RALGAPA2: variants seen among roughly 807,000 people sequenced by gnomAD.
RALGAPA2 encodes the protein Ral GTPase activating protein catalytic subunit alpha 2, also known as ral GTPase-activating protein subunit alpha-2.
In RALGAPA2, 139 loss-of-function variants were observed where a neutral mutation model predicts 230.4. The ratio of observed to expected loss-of-function variants is 0.60; its 90% CI spans 0.53 to 0.69. RALGAPA2 has a LOEUF of 0.69. RALGAPA2 is among the 30% of genes least tolerant of loss of function. The pLI is 0.00. For missense variants in RALGAPA2, 2,163 were observed against 2,276.0 expected, an observed-to-expected ratio of 0.95 and a Z score of 1.01; for synonymous variants, 847 against 837.8, an observed-to-expected ratio of 1.01 and a Z score of -0.19.
At chr20:20,620,426 T>C (rs1236279932) in intron 11 of RALGAPA2, 37 bp downstream of exon 11, 1 of 1,598,468 alleles carries the variant, frequency 6.3e-7, no homozygotes, top group Admixed American at 1.7e-5. Flanking sequence ...CTAAAATATA[T>C]TTACCCTCAA....
intron 1 of RALGAPA2, among the ~76,000 whole-genome samples, chr20:20,710,802 G>C (rs2069825296): frequency 6.6e-6 from 1 of 152,184 alleles, no homozygotes; most frequent in Non-Finnish European, 1.5e-5. Flanking sequence ...ACTTAATCTT[G>C]CAGACCTGGA....
intron 37 of RALGAPA2, among the ~76,000 whole-genome samples, chr20:20,436,630 CA>C (rs1208990804): frequency 6.6e-6 from 1 of 152,214 alleles, no homozygotes; most frequent in Non-Finnish European, 1.5e-5. Flanking sequence ...CCTGGGGAGA[CA>C]AACACTGGAT....
intron 23 of RALGAPA2, among the ~76,000 whole-genome samples, chr20:20,557,197 C>T (rs1333302616): frequency 6.6e-6 from 1 of 152,088 alleles, no homozygotes. Context: ...GTAATCCCAG[C>T]TACTCAGTAG....
intron 23 of RALGAPA2, among the ~76,000 whole-genome samples, chr20:20,550,575 C>T (rs1328161111): frequency 3.3e-5 from 5 of 152,176 alleles, no homozygotes; most frequent in Non-Finnish European, 5.9e-5. Flanking sequence ...TGCTATTCAG[C>T]GCTGCCTCCA....
intron 36 of RALGAPA2, among the ~76,000 whole-genome samples, chr20:20,492,082 G>GT (rs536024965): frequency 1.1e-3 from 165 of 152,272 alleles, no homozygotes; most frequent in African/African-American, 3.8e-3. Context: ...AATGCTGCCT[G>GT]TAAGCTTGTA....
intron 36 of RALGAPA2, among the ~76,000 whole-genome samples, chr20:20,486,703 C>T (rs1195846720): frequency 2.0e-5 from 3 of 152,180 alleles, no homozygotes; most frequent in African/African-American, 4.8e-5. Context: ...ATTCTCATTA[C>T]ATGTTGTTAC....
chr20:20,570,981 G>A (rs574781361), intron 23 of RALGAPA2, among the ~76,000 whole-genome samples: 2 of 152,260 alleles, frequency 1.3e-5, no homozygotes, highest in South Asian at 4.1e-4. Context: ...AACTTAAATT[G>A]CATTGGGAGA....
intron 4 of RALGAPA2, among the ~76,000 whole-genome samples, chr20:20,646,045 C>T (rs2067204695): frequency 6.7e-6 from 1 of 149,376 alleles, no homozygotes; most frequent in Non-Finnish European, 1.5e-5. Flanking sequence ...CTTGCTTGGC[C>T]TCTGTAGGGC....
chr20:20,451,871 G>C (rs1569412376), intron 37 of RALGAPA2, among the ~76,000 whole-genome samples: 1 of 152,160 alleles, frequency 6.6e-6, no homozygotes, highest in Non-Finnish European at 1.5e-5. Context: ...TACTAGAAGA[G>C]ACTATGCAAA....
In RALGAPA2 at chr20:20,546,736, C is replaced by T. The variant is rs200691399; in HGVS notation, c.3253G>A (p.Ala1085Thr). The T allele has an allele frequency of 3.5e-5, 57 of 1,610,506 alleles. No homozygotes were observed. Among genetic ancestry groups the T allele is most frequent in the Admixed American group, 3.4e-4 (20 of 59,058 alleles). ...ATGTCTGTGCTAAGGACCCTGGCAG[C>T]GGCCGTGATGAAGTCCCCCACCAGC... ...SMLVGDFITA[A>T]ARVLSTDILT... is the part of the protein sequence containing the mutation. The change falls in exon 24 of 40, where the codon GCT becomes ACT. Residue 1085 changes from alanine to threonine, a missense_variant. Physicochemically the swap from Ala to Thr is moderately conservative, Grantham distance 58. Coordinates refer to ENST00000202677, the MANE Select transcript of RALGAPA2 (RefSeq NM_020343.4).
At chr20:20,500,360 A>G (rs892052649) in intron 35 of RALGAPA2, among the ~76,000 whole-genome samples, 4 of 152,234 alleles carry the variant, frequency 2.6e-5, no homozygotes, top group Non-Finnish European at 4.4e-5. Context: ...CTGCTTTACC[A>G]ATTAAATTTA....
chr20:20,581,698 A>G (rs552786217), intron 20 of RALGAPA2, among the ~76,000 whole-genome samples: 1 of 152,336 alleles, frequency 6.6e-6, no homozygotes, highest in Admixed American at 6.5e-5. Context: ...TTTAGTCTAT[A>G]AAGAATTTTA....
intron 10 of RALGAPA2, among the ~76,000 whole-genome samples, chr20:20,627,463 T>C (rs1293776550): frequency 1.3e-5 from 2 of 152,188 alleles, no homozygotes; most frequent in Non-Finnish European, 2.9e-5. Context: ...AGGCACCCAG[T>C]GCCACCTTGT....
At chr20:20,409,120 G>C (rs528702090) in intron 38 of RALGAPA2, among the ~76,000 whole-genome samples, 149 of 152,326 alleles carry the variant, frequency 9.8e-4, no homozygotes, top group African/African-American at 3.4e-3. Context: ...CACCCCCGCA[G>C]GGCTTGTTGG....
intron 36 of RALGAPA2, among the ~76,000 whole-genome samples, chr20:20,482,028 ATTT>A (rs1422529965): frequency 2.0e-5 from 3 of 152,232 alleles, no homozygotes; most frequent in Non-Finnish European, 4.4e-5. Flanking sequence ...GAGAAACAGA[ATTT>A]TTATTTTCCT....
At chr20:20,450,701 AGAGT>A (rs200262773) in intron 37 of RALGAPA2, among the ~76,000 whole-genome samples, 3,545 of 152,360 alleles carry the variant, frequency 0.023, 69 homozygotes, top group Middle Eastern at 0.17. Flanking sequence ...GTTGTCGCCA[AGAGT>A]GAGAATAATG....
chr20:20,417,555 A>G (rs1203843566), intron 37 of RALGAPA2, among the ~76,000 whole-genome samples: 1 of 152,192 alleles, frequency 6.6e-6, no homozygotes, highest in Non-Finnish European at 1.5e-5. Flanking sequence ...TCATTTCAAG[A>G]TCCTTAACTT....
chr20:20,697,998 C>T (rs1243888839), intron 1 of RALGAPA2, among the ~76,000 whole-genome samples: 1 of 152,014 alleles, frequency 6.6e-6, no homozygotes, highest in African/African-American at 2.4e-5. Flanking sequence ...CCACTTGCAA[C>T]CTAAAAGTCC....
At chr20:20,610,928 C>T (rs979479992) in intron 14 of RALGAPA2, among the ~76,000 whole-genome samples, 1 of 152,176 alleles carries the variant, frequency 6.6e-6, no homozygotes, top group African/African-American at 2.4e-5. Context: ...TGGACATTGT[C>T]CTCTCTAGGT....
Sources: allele counts gnomAD v4.1 joint callset (sites outside exome capture counted in the v4.1 genomes callset), GRCh38; gene constraint gnomAD v4.1.1; transcripts MANE v1.5; gene names NCBI Gene and HGNC (gene_info 2026-07-23, HGNC 2026-07-21).